HIBADH: variants seen among roughly 807,000 people sequenced by gnomAD.
The protein encoded by HIBADH is 3-hydroxyisobutyrate dehydrogenase, also known as 3-hydroxyisobutyrate dehydrogenase, mitochondrial.
HIBADH carries 25 observed loss-of-function variants against 36.1 expected under a neutral mutation model. That is an observed-to-expected ratio of 0.69 (90% CI 0.50 to 0.97). The LOEUF (loss-of-function observed/expected upper bound fraction) is 0.97, where lower values mean the gene tolerates loss of function less well. HIBADH is among the 50% of genes least tolerant of loss of function. HIBADH has a pLI of 0.00. For synonymous variants in HIBADH, 160 were observed against 149.5 expected (o/e 1.07, Z -0.51); for missense variants, 421 against 418.0 (o/e 1.01, Z -0.06).
intron 4 of HIBADH, among the ~76,000 whole-genome samples, chr7:27,621,621 G>A (rs529325430): frequency 8.6e-5 from 13 of 151,920 alleles, no homozygotes; most frequent in East Asian, 2.0e-4. Context: ...GTGAAACCCC[G>A]TCTTTACTAA....
chr7:27,636,641 T>C (rs1785845947), intron 2 of HIBADH, among the ~76,000 whole-genome samples: 1 of 152,112 alleles, frequency 6.6e-6, no homozygotes, highest in Non-Finnish European at 1.5e-5. Flanking sequence ...GAAAAGAGAA[T>C]CTAATTAAGC....
At chr7:27,641,270 C>T (rs147031406) in intron 2 of HIBADH, among the ~76,000 whole-genome samples, 9 of 152,302 alleles carry the variant, frequency 5.9e-5, no homozygotes, top group African/African-American at 1.4e-4. Context: ...AAATCTCTCA[C>T]TGAAAGAACA....
intron 2 of HIBADH, among the ~76,000 whole-genome samples, chr7:27,641,326 G>C (rs763314391): frequency 1.3e-5 from 2 of 152,174 alleles, no homozygotes; most frequent in Non-Finnish European, 2.9e-5. Context: ...AATCTTGGTG[G>C]GGTGTTGGGG....
Position 27,555,028 on chromosome 7 carries a change from C to T in HIBADH, c.485-11928G>A, listed in dbSNP as rs143842257. Among the ~76,000 whole-genome samples the T allele has an allele frequency of 3.6e-3, 541 of 152,216 alleles. 5 individuals carry two copies. The highest frequency in any genetic ancestry group is 0.013 in the African/African-American group (522 of 41,526). The stretch of plus-strand genomic sequence containing the variant: ...AAGGAAAGGTAACTAACCAGATTTG[C>T]GTGAGGACAAAGGACACAGTACTGC... On this transcript the variant is annotated intron_variant, in intron 4 of 7. Transcript: ENST00000265395.
chr7:27,616,241 C>T (rs1562645077), intron 4 of HIBADH, among the ~76,000 whole-genome samples: 1 of 152,166 alleles, frequency 6.6e-6, no homozygotes, highest in Non-Finnish European at 1.5e-5. Context: ...TTCACTCACT[C>T]CTCACCTCCA....
intron 2 of HIBADH, among the ~76,000 whole-genome samples, chr7:27,635,603 A>G (rs994861800): frequency 3.3e-5 from 5 of 152,176 alleles, no homozygotes; most frequent in African/African-American, 1.2e-4. Flanking sequence ...TAGTAATCTC[A>G]AGTTCTAAGA....
intron 4 of HIBADH, among the ~76,000 whole-genome samples, chr7:27,546,169 C>T (rs572629316): frequency 3.3e-5 from 5 of 152,268 alleles, no homozygotes; most frequent in African/African-American, 1.2e-4. Flanking sequence ...GTGTGATGAT[C>T]ATAGCTCACT....
chr7:27,645,626 C>T lies in HIBADH; in HGVS notation c.252+3847G>A, dbSNP rs1279886462. 2.0e-5 allele frequency among the ~76,000 whole-genome samples: 3 copies of T among 152,054 alleles called. No homozygotes were observed. In the East Asian group the frequency reaches 5.8e-4, roughly 29 times the overall value. On this transcript the variant is annotated intron_variant, in intron 2 of 7. Transcript: ENST00000265395. ...TGAACTCCTGACCTCAAGTGATCCA[C>T]CTGCCTCGGCCTCCCAAACTGTTGG...
chr7:27,619,929 C>G (rs2128293122), intron 4 of HIBADH, among the ~76,000 whole-genome samples: 1 of 152,142 alleles, frequency 6.6e-6, no homozygotes, highest in Admixed American at 6.5e-5. Flanking sequence ...CTAAGTCTAG[C>G]AAGAGATTTA....
At chr7:27,622,706 C>A (rs953309825) in intron 4 of HIBADH, among the ~76,000 whole-genome samples, 4 of 152,102 alleles carry the variant, frequency 2.6e-5, no homozygotes, top group Middle Eastern at 6.8e-3. Flanking sequence ...TAGAAACATA[C>A]GACCTACCAA....
intron 4 of HIBADH, among the ~76,000 whole-genome samples, chr7:27,598,050 T>C (rs1785059943): frequency 6.6e-6 from 1 of 152,178 alleles, no homozygotes; most frequent in Non-Finnish European, 1.5e-5. Context: ...TAGCAACAAG[T>C]TTATTTGTTG....
intron 4 of HIBADH, among the ~76,000 whole-genome samples, chr7:27,556,742 G>A (rs959795114): frequency 2.6e-5 from 4 of 152,124 alleles, no homozygotes; most frequent in African/African-American, 9.7e-5. Flanking sequence ...ACTTAACTCT[G>A]TCTCCCAGTC....
intron 4 of HIBADH, among the ~76,000 whole-genome samples, chr7:27,565,454 A>G (rs896002572): frequency 4.6e-5 from 7 of 152,118 alleles, no homozygotes; most frequent in African/African-American, 9.7e-5. Context: ...AATAAACTCT[A>G]TATCTTAAAA....
At chr7:27,556,053 C>CA (rs1166782245) in intron 4 of HIBADH, among the ~76,000 whole-genome samples, 18 of 152,082 alleles carry the variant, frequency 1.2e-4, no homozygotes, top group African/African-American at 3.9e-4. Flanking sequence ...TAACTTAATG[C>CA]AAAAAACATT....
At chr7:27,649,696 A>T in intron 1 of HIBADH, 63 bp from the exon 2 acceptor site, 1 of 1,410,226 alleles carries the variant, frequency 7.1e-7, no homozygotes, top group Non-Finnish European at 9.5e-7. Flanking sequence ...ACATTCATTT[A>T]ATATTAGCAA....
At chr7:27,657,420 G>A (rs767307138) in intron 1 of HIBADH, among the ~76,000 whole-genome samples, 2 of 152,144 alleles carry the variant, frequency 1.3e-5, no homozygotes, top group Non-Finnish European at 2.9e-5. Flanking sequence ...GTAACAGTAT[G>A]TTTGTTAGAA....
At position 27,531,273 on chromosome 7, in the gene HIBADH, A is replaced by T. The variant is rs3735571; in HGVS notation, c.771T>A (p.Tyr257Ter). 4 of 1,613,984 alleles carry T rather than the reference A, an allele frequency of 2.5e-6. 1 individual carries two copies. The South Asian group carries it at 4.4e-5, about 18-fold the overall frequency. The change falls in exon 7 of 8, where the codon TAT becomes TAA. Residue 257 changes from tyrosine to a stop codon, truncating the protein, a stop_gained. Transcript: ENST00000265395. LOFTEE classifies it high-confidence loss of function. ...CATCCATCACTCCAGGTACAGGATT[A>T]TAAGTGTCACTTGACCAACACCGTC... ...SSGRCWSSDT[Y>*]NPVPGVMDGV...
chr7:27,650,287 A>AG lies in HIBADH; in HGVS notation c.92-655_92-654insC, dbSNP rs1786159180. On this transcript the variant is annotated intron_variant, in intron 1 of 7. Transcript: ENST00000265395. ...CATCCCCTCCAATGATACAAAAAAA[A>AG]AAAAACTCAAAAAGATGTTAAACCC... Among the ~76,000 whole-genome samples, 4 of 151,102 alleles carry AG rather than the reference A, an allele frequency of 2.6e-5. No individual in the cohort carries two copies. In the South Asian group the frequency reaches 8.4e-4, roughly 32 times the overall value.
At chr7:27,527,483 G>T (rs141070322) in intron 7 of HIBADH, among the ~76,000 whole-genome samples, 1 of 152,136 alleles carries the variant, frequency 6.6e-6, no homozygotes, top group Non-Finnish European at 1.5e-5. Context: ...ATGAACAAAC[G>T]TCATGGGGAA....
Sources: gnomAD v4.1 joint callset for allele counts (sites outside exome capture counted in the v4.1 genomes callset) on GRCh38, gnomAD v4.1.1 for gene constraint, MANE v1.5 for transcripts, NCBI Gene and HGNC (gene_info 2026-07-23, HGNC 2026-07-21) for gene names.